The following MTG1 variants were observed in gnomAD, a reference collection of about 807,000 sequenced individuals.
MTG1 encodes the protein mitochondrial ribosome-associated GTPase 1.
A neutral mutation model predicts 39.5 loss-of-function variants in MTG1; 30 were observed. That is an observed-to-expected ratio of 0.76 (90% CI 0.57 to 1.03). MTG1 has a LOEUF of 1.03. Among genes scored for constraint, MTG1 ranks in the 50% least tolerant of loss-of-function variants. The pLI is 0.00. For missense variants in MTG1, 513 were observed against 447.4 expected (o/e 1.15, Z -1.32); for synonymous variants, 217 against 179.0 (o/e 1.21, Z -1.69).
intron 9 of MTG1, among the ~76,000 whole-genome samples, chr10:133,412,694 A>C (rs1850064594): frequency 6.6e-6 from 1 of 152,176 alleles, no homozygotes; most frequent in South Asian, 2.1e-4. Context: ...TGTTTCTTAG[A>C]TGCCCTTTAT....
At chr10:133,404,536 G>A (rs1437991149) in intron 9 of MTG1, among the ~76,000 whole-genome samples, 1 of 152,084 alleles carries the variant, frequency 6.6e-6, no homozygotes, top group African/African-American at 2.4e-5. Context: ...AGTGTTTTCC[G>A]AGGAGTAGAA....
In MTG1 at chr10:133,404,026, T is replaced by C. The variant is rs1306740258; in HGVS notation, c.752+1253T>C. Among the ~76,000 whole-genome samples, 3 of 151,748 alleles carry C rather than the reference T, an allele frequency of 2.0e-5. No homozygotes were observed. The East Asian group carries it at 5.8e-4, about 29-fold the overall frequency. ...ATGACAGGGACGTTGAGCATCTTCA[T>C]GTGCTTATTTGTCATCCCTCTCTGG... is the stretch of plus-strand genomic sequence containing the variant. On this transcript the variant is annotated intron_variant, in intron 9 of 10. Transcript: ENST00000317502.
chr10:133,402,035 C>T lies in MTG1; in HGVS notation c.574-114C>T. Reference sequence around the variant, plus strand: ...GAGTGACGCTGCCATGGGGTTGGGTCCCTGAGGCCTTCCTCGGAGCATTGG... The same window carrying T: ...GAGTGACGCTGCCATGGGGTTGGGTTCCTGAGGCCTTCCTCGGAGCATTGG... On this transcript the variant is annotated intron_variant, in intron 7 of 10. Transcript: ENST00000317502. The surrounding 1 kb of genome is among the most constrained non-coding windows in gnomAD (Gnocchi z 4.7). The T allele has an allele frequency of 8.0e-7, 1 of 1,251,664 alleles. No homozygotes were observed. The highest frequency in any genetic ancestry group is 1.2e-6 in the Non-Finnish European group (1 of 868,494). 77.5% of individuals were successfully genotyped at this position (1,251,664 alleles called of 1,614,324 possible). A position where few individuals can be genotyped will look rare whatever the true frequency, so the allele number is the denominator to read the frequency against.
At chr10:133,399,257 G>A in intron 5 of MTG1, 31 bp downstream of exon 5, 1 of 1,612,736 alleles carries the variant, frequency 6.2e-7, no homozygotes, top group Non-Finnish European at 8.5e-7. Context: ...GCTGGGAGTG[G>A]GAGGCGGGCG....
At chr10:133,419,798 C>T (rs866592193) in intron 10 of MTG1, among the ~76,000 whole-genome samples, 1 of 152,188 alleles carries the variant, frequency 6.6e-6, no homozygotes, top group Non-Finnish European at 1.5e-5. Context: ...GAGACCAGCC[C>T]TGCCGCGTAT....
intron 10 of MTG1, among the ~76,000 whole-genome samples, chr10:133,419,809 T>C (rs1020211642): frequency 1.3e-5 from 2 of 152,172 alleles, no homozygotes; most frequent in Non-Finnish European, 2.9e-5. Context: ...TGCCGCGTAT[T>C]GGGCAGTGCT....
At chr10:133,404,129 C>CTTTTTTTTTTTTTT (rs57165977) in intron 9 of MTG1, among the ~76,000 whole-genome samples, 1 of 91,168 alleles carries the variant, frequency 1.1e-5, no homozygotes, top group Non-Finnish European at 2.0e-5. Context: ...AAGTTTTAAT[C>CTTTTTTTTTTTTTT]TTTTTTTTTT....
At chr10:133,396,349 A>T in intron 3 of MTG1, 82 bp downstream of exon 3, 1 of 1,214,122 alleles carries the variant, frequency 8.2e-7, no homozygotes, top group Admixed American at 1.8e-5. Flanking sequence ...GAGTTGCCGG[A>T]CGCACACTTG....
chr10:133,399,569 T>G lies in MTG1; in HGVS notation c.461T>G (p.Val154Gly). 1.9e-6 allele frequency: 3 copies of G among 1,614,180 alleles called. No individual in the cohort carries two copies. Among genetic ancestry groups the G allele is most frequent in the African/African-American group, 1.3e-5 (1 of 75,062 alleles). The part of the protein sequence containing the change: ...YCIMVIGVPN[V>G]GKSSLINSLR... ...ATCATGGTCATTGGGGTCCCCAACG[T>G]GGGCAAGTCCTCCCTCATCAACTCC... Residue 154 changes from valine (V) to glycine (G), a missense_variant, in exon 6 of 11, where the codon GTG (valine) becomes GGG (glycine). By Grantham distance (109) the Val-to-Gly change is moderately radical. Coordinates refer to ENST00000317502, the MANE Select transcript of MTG1 (RefSeq NM_138384.4).
In MTG1 at chr10:133,394,165, G is replaced by A. The variant is rs1031933627; in HGVS notation, c.-56G>A. ...CGCAGCGCCGGAACCTCAGAGGCGGGTCGCAGCGGCGCAGAGGAGGTCAGC... is the reference window on the plus strand; with the variant it reads ...CGCAGCGCCGGAACCTCAGAGGCGGATCGCAGCGGCGCAGAGGAGGTCAGC... On this transcript the variant is annotated 5_prime_UTR_variant, in exon 1 of 11. Coordinates refer to ENST00000317502, the MANE Select transcript of MTG1 (RefSeq NM_138384.4). The A allele has an allele frequency of 1.9e-5, 26 of 1,366,590 alleles. No individual in the cohort carries two copies. Among genetic ancestry groups the A allele is most frequent in the Middle Eastern group, 2.5e-4 (1 of 4,026 alleles). The allele number at this position is 1,366,590 out of a possible 1,614,324, so 84.7% of individuals were successfully genotyped here. A position where few individuals can be genotyped will look rare whatever the true frequency, so the allele number is the denominator to read the frequency against.
intron 9 of MTG1, 66 bp from the exon 10 acceptor site, chr10:133,419,414 C>G (rs1167711680): frequency 1.3e-5 from 18 of 1,396,468 alleles, no homozygotes; most frequent in Non-Finnish European, 1.8e-5. Context: ...GAGGAAGGGC[C>G]CGGCCTGGCT....
chr10:133,399,388 T>A (rs1382740045), intron 5 of MTG1, 141 bp from the exon 6 acceptor site: 10 of 1,181,052 alleles, frequency 8.5e-6, no homozygotes, highest in South Asian at 6.4e-5. Context: ...CCGTCCCCGC[T>A]GGGTGGGCAG....
At chr10:133,411,744 A>G (rs1023368122) in intron 9 of MTG1, among the ~76,000 whole-genome samples, 5 of 148,724 alleles carry the variant, frequency 3.4e-5, no homozygotes, top group Admixed American at 3.3e-4. Flanking sequence ...AGCCTCTAAT[A>G]TATTTTTCAG....
At chr10:133,395,801 G>A (rs1849773649) in intron 2 of MTG1, 24 bp downstream of exon 2, 1 of 1,611,694 alleles carries the variant, frequency 6.2e-7, no homozygotes, top group African/African-American at 1.3e-5. Flanking sequence ...GAGCAGGGGA[G>A]GCCCCTCTGC....
At chr10:133,411,501 T>C (rs1850045858) in intron 9 of MTG1, among the ~76,000 whole-genome samples, 1 of 152,162 alleles carries the variant, frequency 6.6e-6, no homozygotes, top group Admixed American at 6.5e-5. Context: ...GGTTTGAAAA[T>C]TTTTCTGTAA....
rs1047970034 is a variant in MTG1, at chr10:133,396,350, C to T, written c.282+83C>T. The T allele has an allele frequency of 6.2e-5, 74 of 1,195,970 alleles. No homozygotes were observed. The African/African-American group carries it at 6.3e-4, about 10-fold the overall frequency. The allele number at this position is 1,195,970 out of a possible 1,614,324, so 74.1% of individuals were successfully genotyped here. ...TTGTTCTAACGGAAGAGTTGCCGGA[C>T]GCACACTTGTCAGTTTGCCCAGGCA... On this transcript the variant is annotated intron_variant, in intron 3 of 10. Coordinates refer to ENST00000317502, the MANE Select transcript of MTG1 (RefSeq NM_138384.4).
intron 3 of MTG1, 40 bp downstream of exon 3, chr10:133,396,307 G>C: frequency 6.5e-7 from 1 of 1,541,144 alleles, no homozygotes; most frequent in Non-Finnish European, 9.0e-7. Flanking sequence ...CAGTGTGGCT[G>C]TGTTTTCCCG....
chr10:133,400,296 A>G (rs1849855957), intron 6 of MTG1, among the ~76,000 whole-genome samples: 1 of 152,234 alleles, frequency 6.6e-6, no homozygotes, highest in South Asian at 2.1e-4. Context: ...CTGCAAGGCC[A>G]TTCCTCCATG....
intron 9 of MTG1, among the ~76,000 whole-genome samples, chr10:133,410,765 C>T (rs1850035273): frequency 6.6e-6 from 1 of 152,120 alleles, no homozygotes; most frequent in African/African-American, 2.4e-5. Flanking sequence ...GAGTGAGACC[C>T]CTCTCTTAAA....
Sources: gnomAD v4.1 joint callset for allele counts (sites outside exome capture counted in the v4.1 genomes callset) on GRCh38, gnomAD v4.1.1 for gene constraint, Gnocchi (gnomAD v3.1) non-coding constraint, MANE v1.5 for transcripts, NCBI Gene and HGNC (gene_info 2026-07-23, HGNC 2026-07-21) for gene names.